The following MME variants were observed in gnomAD, a reference collection of about 807,000 sequenced individuals.
MME encodes membrane metalloendopeptidase.
A neutral mutation model predicts 113.2 loss-of-function variants in MME; 98 were observed. That is an observed-to-expected ratio of 0.87 (90% CI 0.74 to 1.02). The LOEUF is 1.02. Among genes scored for constraint, MME ranks in the 50% least tolerant of loss-of-function variants. The pLI is 0.00. For synonymous variants in MME, 292 were observed against 300.6 expected (o/e 0.97, Z 0.30); for missense variants, 836 against 896.0 (o/e 0.93, Z 0.86).
At chr3:155,113,179 G>A (rs1282902018) in intron 3 of MME, among the ~76,000 whole-genome samples, 1 of 152,142 alleles carries the variant, frequency 6.6e-6, no homozygotes, top group Non-Finnish European at 1.5e-5. Flanking sequence ...ACATTGACGA[G>A]GGCCATCTGG....
chr3:155,087,464 C>T (rs1715864594), intron 3 of MME, among the ~76,000 whole-genome samples: 1 of 152,024 alleles, frequency 6.6e-6, no homozygotes, highest in South Asian at 2.1e-4. Flanking sequence ...TGGGGGATCT[C>T]CGTGGTCATG....
intron 3 of MME, among the ~76,000 whole-genome samples, chr3:155,099,428 A>G (rs1286611246): frequency 1.3e-5 from 2 of 152,224 alleles, no homozygotes; most frequent in East Asian, 3.8e-4. Context: ...AGAGGAGTCC[A>G]ACTACAGTGC....
At chr3:155,134,580 G>A (rs182451858) in intron 8 of MME, among the ~76,000 whole-genome samples, 37 of 152,240 alleles carry the variant, frequency 2.4e-4, no homozygotes, top group African/African-American at 8.2e-4. Context: ...TTGCTATTGT[G>A]AGTAGTGCTG....
chr3:155,103,106 C>T (rs1717400442), intron 3 of MME, among the ~76,000 whole-genome samples: 1 of 152,190 alleles, frequency 6.6e-6, no homozygotes, highest in Admixed American at 6.5e-5. Flanking sequence ...TACGCTTTAC[C>T]TATAACTCAT....
At chr3:155,075,814 C>A (rs1714728171), upstream of MME, among the ~76,000 whole-genome samples, 1 of 152,176 alleles carries the variant, frequency 6.6e-6, no homozygotes, top group Non-Finnish European at 1.5e-5. Flanking sequence ...CACCACCAGG[C>A]CTGATTGAGT....
At chr3:155,084,470 T>G (rs1022977025) in intron 2 of MME, 143 bp downstream of exon 2, 1 of 810,146 alleles carries the variant, frequency 1.2e-6, no homozygotes, top group African/African-American at 1.7e-5. Flanking sequence ...AAATGTAACA[T>G]CAATATGTCA....
intron 1 of MME, among the ~76,000 whole-genome samples, chr3:155,073,512 A>G (rs1714647862): frequency 6.6e-6 from 1 of 152,228 alleles, no homozygotes; most frequent in Non-Finnish European, 1.5e-5. Context: ...AAACAATAGT[A>G]GTGGGTAATA....
chr3:155,074,136 A>T (rs1416866338), intron 1 of MME, among the ~76,000 whole-genome samples: 1 of 152,048 alleles, frequency 6.6e-6, no homozygotes, highest in Admixed American at 6.6e-5. Flanking sequence ...TTTAATTTGA[A>T]GGTAAAAGAA....
chr3:155,141,935 G>A, intron 10 of MME, 56 bp from the exon 11 acceptor site: 5 of 1,599,644 alleles, frequency 3.1e-6, no homozygotes, highest in Non-Finnish European at 4.3e-6. Flanking sequence ...ACTGAATCTT[G>A]GACCCAAGAA....
At chr3:155,174,019 A>G (rs1167986156) in intron 22 of MME, among the ~76,000 whole-genome samples, 1 of 151,306 alleles carries the variant, frequency 6.6e-6, no homozygotes, top group Non-Finnish European at 1.5e-5. Flanking sequence ...GAAAGTCCAT[A>G]CTAGGATTAT....
intron 16 of MME, among the ~76,000 whole-genome samples, chr3:155,149,849 C>T (rs1189668801): frequency 6.6e-6 from 1 of 152,162 alleles, no homozygotes; most frequent in Non-Finnish European, 1.5e-5. Context: ...CTTTTGCTGA[C>T]TTCTAAGTTC....
chr3:155,040,670 AG>A (rs1291881115), intron 1 of MME, among the ~76,000 whole-genome samples: 1 of 152,108 alleles, frequency 6.6e-6, no homozygotes, highest in African/African-American at 2.4e-5. Context: ...ATGGGTTGAA[AG>A]TATCCAGGAT....
intron 16 of MME, among the ~76,000 whole-genome samples, chr3:155,152,976 T>G (rs1231606296): frequency 1.3e-5 from 2 of 151,528 alleles, no homozygotes; most frequent in African/African-American, 4.8e-5. Flanking sequence ...GTTAATAATT[T>G]AGCTAAAAGG....
chr3:155,055,214 T>C (rs554157719), intron 1 of MME, among the ~76,000 whole-genome samples: 1 of 152,302 alleles, frequency 6.6e-6, no homozygotes, highest in African/African-American at 2.4e-5. Context: ...ATGGAATACA[T>C]ACAGTAGTAA....
upstream of MME, among the ~76,000 whole-genome samples, chr3:155,077,741 C>CA (rs113337099): frequency 0.025 from 3,705 of 151,220 alleles, 145 homozygotes; most frequent in African/African-American, 0.083. Context: ...GCAACAACAA[C>CA]AAAAAACAGA....
chr3:155,133,402 T>C (rs1720329992), intron 8 of MME, among the ~76,000 whole-genome samples: 1 of 151,746 alleles, frequency 6.6e-6, no homozygotes, highest in African/African-American at 2.4e-5. Context: ...ATGCTTCCAG[T>C]TTTCTGAGAA....
rs199954990 is a variant in MME, at chr3:155,115,175, G to T, written c.358+20G>T. 1.3e-5 allele frequency: 21 copies of T among 1,612,670 alleles called. No homozygotes were observed. The highest frequency in any genetic ancestry group is 6.7e-5 in the East Asian group (3 of 44,878). On this transcript the variant is annotated intron_variant, in intron 4 of 22. Coordinates refer to ENST00000360490, the MANE Select transcript of MME (RefSeq NM_007289.4). ...TGAAAGGTTAGTAGAGATTGTGTCTGTGCATCAAAGATTTCTCTCTTAATA... is the reference window on the plus strand; with the variant it reads ...TGAAAGGTTAGTAGAGATTGTGTCTTTGCATCAAAGATTTCTCTCTTAATA...
At chr3:155,056,638 A>G (rs1713938270) in intron 1 of MME, among the ~76,000 whole-genome samples, 1 of 151,822 alleles carries the variant, frequency 6.6e-6, no homozygotes, top group Non-Finnish European at 1.5e-5. Flanking sequence ...CAATAAACAT[A>G]CGTGTGCGTG....
chr3:155,036,176 T>C (rs1277628575), intron 1 of MME, among the ~76,000 whole-genome samples: 1 of 152,216 alleles, frequency 6.6e-6, no homozygotes, highest in Non-Finnish European at 1.5e-5. Context: ...TCATATGTTG[T>C]GATAAGCAGA....
Sources: gnomAD v4.1 joint callset for allele counts (sites outside exome capture counted in the v4.1 genomes callset) on GRCh38, gnomAD v4.1.1 for gene constraint, MANE v1.5 for transcripts, NCBI Gene and HGNC (gene_info 2026-07-23, HGNC 2026-07-21) for gene names.